STPG2: variants seen among roughly 807,000 people sequenced by gnomAD.
STPG2 encodes the protein sperm-tail PG-rich repeat-containing protein 2.
STPG2 carries 56 observed loss-of-function variants against 54.2 expected under a neutral mutation model. The ratio of observed to expected loss-of-function variants is 1.03; its 90% CI spans 0.83 to 1.29. The LOEUF is 1.29. Among genes scored for constraint, STPG2 ranks in the 50% most tolerant of loss-of-function variants. The pLI is 0.00. For missense variants in STPG2, 596 were observed against 544.9 expected (o/e 1.09, Z -0.93); for synonymous variants, 200 against 181.8 (o/e 1.10, Z -0.81).
chr4:97,748,228 C>T lies in STPG2; in HGVS notation c.1205-35414G>A, dbSNP rs115806012. On this transcript the variant is annotated intron_variant, in intron 9 of 10. Transcript: ENST00000295268. ...GAAGCACAAACTTACAGTATTACTG[C>T]TATGAGGAAGATAAACTCTTCAAAA... Among the ~76,000 whole-genome samples the T allele has an allele frequency of 3.3e-3, 493 of 151,588 alleles. 1 individual carries two copies. The highest frequency in any genetic ancestry group is 0.012 in the African/African-American group (478 of 41,468).
intron 10 of STPG2, among the ~76,000 whole-genome samples, chr4:97,598,449 C>A (rs1176439205): frequency 7.3e-5 from 11 of 151,196 alleles, no homozygotes; most frequent in Admixed American, 7.2e-4. Context: ...CAAAAACAAG[C>A]AAACACACAA....
At chr4:98,022,894 T>C (rs965397733) in intron 5 of STPG2, among the ~76,000 whole-genome samples, 1 of 152,182 alleles carries the variant, frequency 6.6e-6, no homozygotes. Context: ...CTTCTCTGCA[T>C]TGGGTATTCT....
intron 10 of STPG2, among the ~76,000 whole-genome samples, chr4:97,596,744 C>A (rs966377680): frequency 6.6e-6 from 1 of 151,888 alleles, no homozygotes; most frequent in African/African-American, 2.4e-5. Flanking sequence ...CATAACAGAA[C>A]CTCTGGGACA....
At chr4:97,454,505 G>A (rs1729461537) in intron 4 of STPG2, among the ~76,000 whole-genome samples, 1 of 109,986 alleles carries the variant, frequency 9.1e-6, no homozygotes. Flanking sequence ...GGGCGACAGA[G>A]CGAGACTCCG....
chr4:97,810,001 T>A (rs1422765355), intron 9 of STPG2, among the ~76,000 whole-genome samples: 1 of 152,208 alleles, frequency 6.6e-6, no homozygotes, highest in East Asian at 1.9e-4. Flanking sequence ...AATAATAATA[T>A]ATCTTAAGAT....
chr4:97,567,092 A>C (rs2148880566), intron 10 of STPG2, among the ~76,000 whole-genome samples: 1 of 151,978 alleles, frequency 6.6e-6, no homozygotes, highest in South Asian at 2.1e-4. Context: ...TCATAACATT[A>C]ATCTAATCCT....
intron 10 of STPG2, among the ~76,000 whole-genome samples, chr4:97,609,089 A>T (rs2148913286): frequency 6.6e-6 from 1 of 152,218 alleles, no homozygotes; most frequent in South Asian, 2.1e-4. Context: ...ATGTTTACAA[A>T]TATATTTTAA....
intron 4 of STPG2, among the ~76,000 whole-genome samples, chr4:97,517,494 G>A (rs1314845020): frequency 1.3e-5 from 2 of 152,112 alleles, no homozygotes. Flanking sequence ...AGTGCCATAA[G>A]AATCTCTGAC....
intron 10 of STPG2, among the ~76,000 whole-genome samples, chr4:97,650,888 A>G (rs985904549): frequency 6.6e-6 from 1 of 152,078 alleles, no homozygotes; most frequent in African/African-American, 2.4e-5. Flanking sequence ...AAGTAATGTT[A>G]TGTCAGAGTC....
At position 97,540,434 on chromosome 4, in the gene STPG2, G is replaced by A. The variant is rs538373565; in HGVS notation, c.462+172265C>T. Among the ~76,000 whole-genome samples the A allele has an allele frequency of 4.1e-3, 629 of 152,190 alleles. 3 individuals are homozygous for A. The highest frequency in any genetic ancestry group is 0.02 in the South Asian group (97 of 4,824). The stretch of plus-strand genomic sequence containing the variant: ...CCCAAGACTAAACCAGGAAGAAGTT[G>A]AATCTCTGAATAGACCAATAACAGG... On this transcript the variant is annotated intron_variant, in intron 4 of 4. Coordinates refer to the STPG2 transcript ENST00000522676.
chr4:97,452,691 G>C (rs1431489478), intron 4 of STPG2, among the ~76,000 whole-genome samples: 1 of 152,166 alleles, frequency 6.6e-6, no homozygotes, highest in African/African-American at 2.4e-5. Flanking sequence ...GAGCTTCAGA[G>C]ACCTGCAGAG....
At chr4:97,505,001 G>A (rs1320574223) in intron 4 of STPG2, among the ~76,000 whole-genome samples, 1 of 151,464 alleles carries the variant, frequency 6.6e-6, no homozygotes, top group African/African-American at 2.4e-5. Context: ...CTGAAGACCA[G>A]GCACAAAAGG....
intron 8 of STPG2, among the ~76,000 whole-genome samples, chr4:97,890,842 C>T (rs1043320933): frequency 6.6e-6 from 1 of 151,706 alleles, no homozygotes; most frequent in Non-Finnish European, 1.5e-5. Context: ...AGTGAAAAAA[C>T]TTATGACAAG....
intron 10 of STPG2, among the ~76,000 whole-genome samples, chr4:97,702,710 C>T (rs11097571): frequency 0.6 from 91,413 of 151,834 alleles, 28,081 homozygotes; most frequent in African/African-American, 0.72. Context: ...AAAAGCTTCA[C>T]CAGAGTTTAC....
At chr4:98,033,807 C>A (rs1267110346) in intron 5 of STPG2, among the ~76,000 whole-genome samples, 1 of 152,156 alleles carries the variant, frequency 6.6e-6, no homozygotes, top group Non-Finnish European at 1.5e-5. Context: ...ATAGGCAAAT[C>A]AATAAATGTA....
At chr4:97,624,340 A>T (rs907237398) in intron 10 of STPG2, among the ~76,000 whole-genome samples, 3 of 151,772 alleles carry the variant, frequency 2.0e-5, no homozygotes, top group African/African-American at 4.8e-5. Flanking sequence ...TTCTGATCTC[A>T]TTGTGGTTTT....
At chr4:98,081,453 T>A (rs1371895680) in intron 5 of STPG2, among the ~76,000 whole-genome samples, 1 of 152,164 alleles carries the variant, frequency 6.6e-6, no homozygotes, top group African/African-American at 2.4e-5. Flanking sequence ...GAAAAAATTA[T>A]CAATTTTTCT....
rs182116191 is a variant in STPG2, at chr4:97,620,686, A to T, written c.1321-61569T>A. On this transcript the variant is annotated intron_variant, in intron 10 of 10. Coordinates refer to ENST00000295268, the MANE Select transcript of STPG2 (RefSeq NM_174952.3). ...TATGAAGAGACTTAGATTTTCAAAC[A>T]GTAACAGTGGGAGACTTCAACACCC... Among the ~76,000 whole-genome samples, 629 of 152,332 alleles carry T rather than the reference A, an allele frequency of 4.1e-3. 3 individuals carry two copies. Among genetic ancestry groups the T allele is most frequent in the South Asian group, 0.02 (98 of 4,830 alleles).
intron 4 of STPG2, among the ~76,000 whole-genome samples, chr4:97,443,551 T>C (rs1729142990): frequency 6.6e-6 from 1 of 152,094 alleles, no homozygotes; most frequent in Admixed American, 6.6e-5. Flanking sequence ...CTAGTTAATA[T>C]CTCTGACTTC....
Sources: allele counts gnomAD v4.1 joint callset (sites outside exome capture counted in the v4.1 genomes callset), GRCh38; gene constraint gnomAD v4.1.1; transcripts MANE v1.5; gene names NCBI Gene and HGNC (gene_info 2026-07-23, HGNC 2026-07-21).